NKX6-1: variants seen among roughly 807,000 people sequenced by gnomAD.
NKX6-1 encodes NK6 homeobox 1, also known as homeobox protein Nkx-6.1.
Under a neutral mutation model 24.9 loss-of-function variants are expected in NKX6-1, and 11 were observed. That is an observed-to-expected ratio of 0.44 (90% CI 0.28 to 0.73). The LOEUF is 0.73. Ranked by LOEUF, NKX6-1 falls within the 30% of genes least tolerant of loss-of-function variation. The probability of loss-of-function intolerance (pLI) is 0.15; values close to 1 mark genes in which losing one functional copy is unlikely to be tolerated. For missense variants in NKX6-1, 487 were observed against 502.9 expected (o/e 0.97, Z 0.30); for synonymous variants, 277 against 242.9 (o/e 1.14, Z -1.31).
rs1187229365 is a variant in NKX6-1, at chr4:84,497,533, A to C, written c.670+26T>G. The C allele has an allele frequency of 1.6e-6, 2 of 1,253,570 alleles. No individual in the cohort carries two copies. The highest frequency in any genetic ancestry group is 3.1e-5 in the African/African-American group (2 of 64,470). The allele number at this position is 1,253,570 out of a possible 1,614,324, so 77.7% of individuals were successfully genotyped here. A position where few individuals can be genotyped will look rare whatever the true frequency, so the allele number is the denominator to read the frequency against. ...GGCAGAACAGGCACGGCAGGCAGGCATCGGGGCGCGGGTGGTAGTACTCAC... is the reference window on the plus strand; with the variant it reads ...GGCAGAACAGGCACGGCAGGCAGGCCTCGGGGCGCGGGTGGTAGTACTCAC... On this transcript the variant is annotated intron_variant, in intron 1 of 2. Coordinates refer to ENST00000295886, the MANE Select transcript of NKX6-1 (RefSeq NM_006168.3). This position sits in a 1 kb window ranked among gnomAD's most constrained non-coding sequence, Gnocchi z 4.8.
Position 84,498,479 on chromosome 4 carries a change from G to A in NKX6-1, c.-251C>T. On this transcript the variant is annotated 5_prime_UTR_variant, in exon 1 of 3. Transcript: ENST00000295886. Reference sequence around the variant, plus strand: ...AAAAGCAGGCGTCCCGGCGGGCTAGGCAGTCCTTTCGTTCCGCGAGTCCTA... The same window carrying A: ...AAAAGCAGGCGTCCCGGCGGGCTAGACAGTCCTTTCGTTCCGCGAGTCCTA... The A allele has an allele frequency of 2.5e-6, 1 of 394,772 alleles. No homozygotes were observed. Among genetic ancestry groups the A allele is most frequent in the Non-Finnish European group, 4.4e-6 (1 of 224,796 alleles). The allele number at this position is 394,772 out of a possible 1,614,324, so 24.5% of individuals were successfully genotyped here.
In NKX6-1 at chr4:84,497,248, C is replaced by T. The variant is rs1720838037; in HGVS notation, c.670+311G>A. ...CTGGCCAGGCCGTTTCAGGAACAGC[C>T]AGGGCCTCGGACGAGACACACGTCC... On this transcript the variant is annotated intron_variant, in intron 1 of 2. Coordinates refer to ENST00000295886, the MANE Select transcript of NKX6-1 (RefSeq NM_006168.3). The surrounding 1 kb of genome is among the most constrained non-coding windows in gnomAD (Gnocchi z 4.8). 6.6e-6 allele frequency among the ~76,000 whole-genome samples: 1 copy of T among 152,134 alleles called. No individual in the cohort carries two copies. Among genetic ancestry groups the T allele is most frequent in the Non-Finnish European group, 1.5e-5 (1 of 68,018 alleles).
chr4:84,495,389 G>A (rs984218839), intron 2 of NKX6-1, among the ~76,000 whole-genome samples: 2 of 152,118 alleles, frequency 1.3e-5, no homozygotes, highest in African/African-American at 2.4e-5. Context: ...TCTAATAATG[G>A]TGAGTCCCCC....
In NKX6-1 at chr4:84,492,580, A is replaced by G. The variant is rs888267716; in HGVS notation, c.*709T>C. 2 of 152,394 alleles carry G rather than the reference A, an allele frequency of 1.3e-5. No individual in the cohort carries two copies. Among genetic ancestry groups the G allele is most frequent in the South Asian group, 2.1e-4 (1 of 4,822 alleles). 9.4% of individuals were successfully genotyped at this position (152,394 alleles called of 1,614,324 possible). A position where few individuals can be genotyped will look rare whatever the true frequency, so the allele number is the denominator to read the frequency against. On this transcript the variant is annotated 3_prime_UTR_variant, in exon 3 of 3. Transcript: ENST00000295886. ...AGAGGAGGGGACGGAGAAGGTGGGG[A>G]CATTCTATTCTACGCTTCTCAAATT...
chr4:84,495,939 T>C (rs773070746), intron 1 of NKX6-1, 95 bp from the exon 2 acceptor site: 1 of 1,288,072 alleles, frequency 7.8e-7, no homozygotes. Flanking sequence ...AACAATGTTT[T>C]GTGGGGAAAG....
rs914558576 is a variant in NKX6-1, at chr4:84,497,302, A to G, written c.670+257T>C. Among the ~76,000 whole-genome samples the G allele has an allele frequency of 6.6e-6, 1 of 152,148 alleles. No homozygotes were observed. The highest frequency in any genetic ancestry group is 1.5e-5 in the Non-Finnish European group (1 of 68,012). ...ACCGCGTTGTGGTCCACACGAACAC[A>G]CACACACCGGCTCAGCCCAGGCGTA... On this transcript the variant is annotated intron_variant, in intron 1 of 2. Transcript: ENST00000295886. This position sits in a 1 kb window ranked among gnomAD's most constrained non-coding sequence, Gnocchi z 4.8.
At position 84,493,700 on chromosome 4, in the gene NKX6-1, C is replaced by T; in HGVS notation, c.844-151G>A. 1.0e-6 allele frequency: 1 copy of T among 999,032 alleles called. No individual in the cohort carries two copies. Among genetic ancestry groups the T allele is most frequent in the Non-Finnish European group, 1.4e-6 (1 of 699,290 alleles). 61.9% of individuals were successfully genotyped at this position (999,032 alleles called of 1,614,324 possible). A position where few individuals can be genotyped will look rare whatever the true frequency, so the allele number is the denominator to read the frequency against. ...CCCTCGCAGCCCTCCCTTTTCTCGG[C>T]CGTCAAAGTCAGTCTCCGTCGCCCC... On this transcript the variant is annotated intron_variant, in intron 2 of 2. Coordinates refer to ENST00000295886, the MANE Select transcript of NKX6-1 (RefSeq NM_006168.3). This position sits in a 1 kb window ranked among gnomAD's most constrained non-coding sequence, Gnocchi z 5.1.
In NKX6-1 at chr4:84,498,204, C is replaced by G. The variant is rs1397509309; in HGVS notation, c.25G>C (p.Gly9Arg). Reference protein sequence around the residue: MLAVGAMEGTRQSAFLLSS... With the variant: MLAVGAMERTRQSAFLLSS... ...AGCAGGAATGCGCTCTGCCGGGTGC[C>G]CTCCATTGCCCCCACCGCTAACATC... Residue 9 changes from glycine to arginine, a missense_variant, in exon 1 of 3, where the codon GGC becomes CGC. Coordinates refer to ENST00000295886, the MANE Select transcript of NKX6-1 (RefSeq NM_006168.3). 1 of 1,296,440 alleles carries G rather than the reference C, an allele frequency of 7.7e-7. No homozygotes were observed. The highest frequency in any genetic ancestry group is 9.8e-7 in the Non-Finnish European group (1 of 1,021,980). 80.3% of individuals were successfully genotyped at this position (1,296,440 alleles called of 1,614,324 possible). A position where few individuals can be genotyped will look rare whatever the true frequency, so the allele number is the denominator to read the frequency against.
chr4:84,497,819 G>C lies in NKX6-1; in HGVS notation c.410C>G (p.Ser137Cys). The C allele has an allele frequency of 1.6e-6, 2 of 1,272,648 alleles. No individual in the cohort carries two copies. The highest frequency in any genetic ancestry group is 2.0e-6 in the Non-Finnish European group (2 of 1,014,474). The allele number at this position is 1,272,648 out of a possible 1,614,324, so 78.8% of individuals were successfully genotyped here. Residue 137 changes from serine (S) to cysteine (C), a missense_variant, in exon 1 of 3, where the codon TCT (serine) becomes TGT (cysteine). By Grantham distance (112) the Ser-to-Cys change is moderately radical. Transcript: ENST00000295886. This position sits in a 1 kb window ranked among gnomAD's most constrained non-coding sequence, Gnocchi z 4.8. ...SSSSASASSASAAAAAAAAAA... is the reference protein window; with the variant it reads ...SSSSASASSACAAAAAAAAAA... Reference sequence around the variant, plus strand: ...CGCGGCAGCAGCCGCGGCGGCGGCAGAGGCGGAGGAGGCAGAGGCGGACGA... The same window carrying C: ...CGCGGCAGCAGCCGCGGCGGCGGCACAGGCGGAGGAGGCAGAGGCGGACGA...
chr4:84,496,676 AC>A (rs1188158063), intron 1 of NKX6-1: 1 of 152,256 alleles, frequency 6.6e-6, no homozygotes, highest in Non-Finnish European at 1.5e-5. Flanking sequence ...GCGGCCTACT[AC>A]CCCGAAGACT....
intron 1 of NKX6-1, chr4:84,496,743 C>T (rs1212509389): frequency 6.6e-6 from 1 of 152,402 alleles, no homozygotes; most frequent in African/African-American, 2.4e-5. Context: ...CGGGATGGTA[C>T]ATTTTCCCCA....
chr4:84,498,051 G>GCGACGAGGAGGA lies in NKX6-1; in HGVS notation c.166_177dup (p.Ser56_Ser59dup). The GCGACGAGGAGGA allele has an allele frequency of 8.0e-7, 1 of 1,253,100 alleles. No homozygotes were observed. The highest frequency in any genetic ancestry group is 1.0e-6 in the Non-Finnish European group (1 of 997,846). 77.6% of individuals were successfully genotyped at this position (1,253,100 alleles called of 1,614,324 possible). On this transcript the variant is annotated inframe_insertion, in exon 1 of 3. Coordinates refer to ENST00000295886, the MANE Select transcript of NKX6-1 (RefSeq NM_006168.3). Reference sequence around the variant, plus strand: ...TTGTGGGTGCCCAGAGGCGGGGAGGGCGACGAGGAGGACGACGACGAGGAC... The same window carrying GCGACGAGGAGGA: ...TTGTGGGTGCCCAGAGGCGGGGAGGGCGACGAGGAGGACGACGAGGAGGACGACGACGAGGAC...
Position 84,497,641 on chromosome 4 carries a change from C to A in NKX6-1, c.588G>T (p.Glu196Asp). The change falls in exon 1 of 3, where the codon GAG becomes GAT. Residue 196 changes from glutamate (E) to aspartate (D), a missense_variant. Physicochemically the swap from Glu to Asp is conservative, Grantham distance 45. This residue lies in a region of NKX6-1 where 316 missense variants were observed against 311.4 expected (regional missense o/e 1.01). Transcript: ENST00000295886. The surrounding 1 kb of genome is among the most constrained non-coding windows in gnomAD (Gnocchi z 4.8). Reference sequence around the variant, plus strand: ...AGAAGATGGGCGTCCGGCCAGGCAGCTCAGCCAGCGGCTTGGGGTACCGGC... The same window carrying A: ...AGAAGATGGGCGTCCGGCCAGGCAGATCAGCCAGCGGCTTGGGGTACCGGC... ...AVGRYPKPLA[E>D]LPGRTPIFWP... 1 of 1,284,074 alleles carries A rather than the reference C, an allele frequency of 7.8e-7. No homozygotes were observed. The allele number at this position is 1,284,074 out of a possible 1,614,324, so 79.5% of individuals were successfully genotyped here.
Position 84,495,666 on chromosome 4 carries a change from AC to A in NKX6-1, c.843+5del. ...CTATCCCTCCAGGTATGCAAGGTCC[AC>A]TCACCTTGACCTGACTCTCTGTCAT... On this transcript the variant is annotated splice_donor_5th_base_variant and intron_variant, in intron 2 of 2. Coordinates refer to ENST00000295886, the MANE Select transcript of NKX6-1 (RefSeq NM_006168.3). The A allele has an allele frequency of 6.2e-7, 1 of 1,611,136 alleles. No individual in the cohort carries two copies. The highest frequency in any genetic ancestry group is 1.1e-5 in the South Asian group (1 of 90,948).
Position 84,492,812 on chromosome 4 carries a change from G to C in NKX6-1, c.*477C>G, listed in dbSNP as rs1274619917. ...ACTTTAGTTGCACAGCAGTGTGTGG[G>C]GGGGGAAACGTCCCTCTTCCCATCT... On this transcript the variant is annotated 3_prime_UTR_variant, in exon 3 of 3. Transcript: ENST00000295886. 1 of 153,490 alleles carries C rather than the reference G, an allele frequency of 6.5e-6. No individual in the cohort carries two copies. Among genetic ancestry groups the C allele is most frequent in the Non-Finnish European group, 1.4e-5 (1 of 69,026 alleles). 9.5% of individuals were successfully genotyped at this position (153,490 alleles called of 1,614,324 possible).
Position 84,497,508 on chromosome 4 carries a change from G to C in NKX6-1, c.670+51C>G. ...CACCAGGGGCCGCGACCCGGGAGTG[G>C]GCAGAACAGGCACGGCAGGCAGGCA... On this transcript the variant is annotated intron_variant, in intron 1 of 2. Coordinates refer to ENST00000295886, the MANE Select transcript of NKX6-1 (RefSeq NM_006168.3). This position sits in a 1 kb window ranked among gnomAD's most constrained non-coding sequence, Gnocchi z 4.8. 4.8e-6 allele frequency: 6 copies of C among 1,251,278 alleles called. No individual in the cohort carries two copies. Among genetic ancestry groups the C allele is most frequent in the Non-Finnish European group, 6.1e-6 (6 of 989,972 alleles). The allele number at this position is 1,251,278 out of a possible 1,614,324, so 77.5% of individuals were successfully genotyped here. A position where few individuals can be genotyped will look rare whatever the true frequency, so the allele number is the denominator to read the frequency against.
chr4:84,493,416 T>C lies in NKX6-1; in HGVS notation c.977A>G (p.Tyr326Cys). ...ASENEEEDDD[Y>C]NKPLDPNSDD... ...CGAGTTGGGATCCAGAGGCTTATTG[T>C]AGTCGTCGTCCTCTTCCTCGTTCTC... is the stretch of plus-strand genomic sequence containing the variant. The change falls in exon 3 of 3, where the codon TAC (tyrosine) becomes TGC (cysteine). Residue 326 changes from tyrosine to cysteine, a missense_variant. By Grantham distance (194) the Tyr-to-Cys change is radical. Around this residue, in one of 3 missense-constraint regions of NKX6-1, gnomAD observed 126 missense variants for 105.5 expected, o/e 1.19. Transcript: ENST00000295886. The surrounding 1 kb of genome is among the most constrained non-coding windows in gnomAD (Gnocchi z 5.1). 2.5e-6 allele frequency: 4 copies of C among 1,614,244 alleles called. No individual in the cohort carries two copies. The highest frequency in any genetic ancestry group is 3.4e-6 in the Non-Finnish European group (4 of 1,180,034).
In NKX6-1 at chr4:84,498,439, C is replaced by G. The variant is rs1720875868; in HGVS notation, c.-211G>C. The G allele has an allele frequency of 2.2e-6, 1 of 451,746 alleles. No homozygotes were observed. The highest frequency in any genetic ancestry group is 3.6e-6 in the Non-Finnish European group (1 of 276,046). 28.0% of individuals were successfully genotyped at this position (451,746 alleles called of 1,614,324 possible). A position where few individuals can be genotyped will look rare whatever the true frequency, so the allele number is the denominator to read the frequency against. Reference sequence around the variant, plus strand: ...ATGTCCAAACCCTCCACGCGGGAGGCGGCAGCTCGCCGAGAAAAGCAGGCG... The same window carrying G: ...ATGTCCAAACCCTCCACGCGGGAGGGGGCAGCTCGCCGAGAAAAGCAGGCG... On this transcript the variant is annotated 5_prime_UTR_variant, in exon 1 of 3. Transcript: ENST00000295886.
At position 84,497,303 on chromosome 4, in the gene NKX6-1, C is replaced by A. The variant is rs1346945334; in HGVS notation, c.670+256G>T. Among the ~76,000 whole-genome samples the A allele has an allele frequency of 6.6e-6, 1 of 152,166 alleles. No individual in the cohort carries two copies. Among genetic ancestry groups the A allele is most frequent in the East Asian group, 1.9e-4 (1 of 5,176 alleles). ...CCGCGTTGTGGTCCACACGAACACA[C>A]ACACACCGGCTCAGCCCAGGCGTAC... On this transcript the variant is annotated intron_variant, in intron 1 of 2. Coordinates refer to ENST00000295886, the MANE Select transcript of NKX6-1 (RefSeq NM_006168.3). The surrounding 1 kb of genome is among the most constrained non-coding windows in gnomAD (Gnocchi z 4.8).
Sources: allele counts gnomAD v4.1 joint callset (sites outside exome capture counted in the v4.1 genomes callset), GRCh38; gene constraint gnomAD v4.1.1; regional missense constraint gnomAD v4.1.1; non-coding constraint Gnocchi (gnomAD v3.1); transcripts MANE v1.5; gene names NCBI Gene and HGNC (gene_info 2026-07-23, HGNC 2026-07-21).